The following ZFHX3 variants were observed in gnomAD, a reference collection of about 807,000 sequenced individuals.
ZFHX3 encodes zinc finger homeobox protein 3.
In ZFHX3, 42 loss-of-function variants were observed where a neutral mutation model predicts 279.1. That is an observed-to-expected ratio of 0.15 (90% confidence interval 0.12 to 0.19). The LOEUF (loss-of-function observed/expected upper bound fraction) is 0.19, where lower values mean the gene tolerates loss of function less well. Among genes scored for constraint, ZFHX3 ranks in the 10% least tolerant of loss-of-function variants. The pLI is 1.00. For missense variants in ZFHX3, 4,981 were observed against 4,754.0 expected (o/e 1.05, Z -1.40); for synonymous variants, 2,293 against 1,957.8 (o/e 1.17, Z -4.52).
chr16:73,177,733 T>G lies in ZFHX3; in HGVS notation c.-1103-33902A>C, dbSNP rs143592423. Among the ~76,000 whole-genome samples, 202 of 152,254 alleles carry G rather than the reference T, an allele frequency of 1.3e-3. 1 individual carries two copies. Among genetic ancestry groups the G allele is most frequent in the Non-Finnish European group, 2.7e-3 (186 of 68,020 alleles). On this transcript the variant is annotated intron_variant, in intron 5 of 17. Transcript: ENST00000641206. The stretch of plus-strand genomic sequence containing the variant: ...TATTTAACTGAACAAAGAAAGTAAA[T>G]GTTGATTGTGTTTCTACTACATATA...
chr16:73,462,422 A>G (rs976975143), intron 2 of ZFHX3, among the ~76,000 whole-genome samples: 3 of 152,108 alleles, frequency 2.0e-5, no homozygotes, highest in Non-Finnish European at 4.4e-5. Context: ...TATGACCTTA[A>G]CACATTGACT....
chr16:73,471,841 T>C (rs1170076292), intron 2 of ZFHX3, among the ~76,000 whole-genome samples: 2 of 152,196 alleles, frequency 1.3e-5, no homozygotes, highest in Non-Finnish European at 2.9e-5. Context: ...TCTTTAGGGT[T>C]AGTCTTAGCC....
intron 8 of ZFHX3, among the ~76,000 whole-genome samples, chr16:73,091,763 A>C (rs1727263380): frequency 6.6e-6 from 1 of 152,192 alleles, no homozygotes; most frequent in African/African-American, 2.4e-5. Flanking sequence ...CTTAATTTTC[A>C]AAATACTATC....
intron 3 of ZFHX3, among the ~76,000 whole-genome samples, chr16:73,358,402 C>T (rs981801923): frequency 2.0e-5 from 3 of 152,208 alleles, no homozygotes; most frequent in Admixed American, 6.5e-5. Flanking sequence ...GGCGGGAAAC[C>T]GAGCGCAGCC....
chr16:73,666,156 T>C (rs1334655197), intron 2 of ZFHX3, among the ~76,000 whole-genome samples: 2 of 151,864 alleles, frequency 1.3e-5, no homozygotes, highest in African/African-American at 4.9e-5. Context: ...GAGTGGCAGT[T>C]TGTGGGCTGG....
chr16:72,798,087 T>A lies in ZFHX3; in HGVS notation c.4595A>T (p.Asn1532Ile). ...GTCTAGGAACTTTTCCATAGTAAAA[T>A]TGGGACCTTTTCTGAAAGGCAGAGC... Reference protein sequence around the residue: ...KRALPFRKGPNFTMEKFLDPS... With the variant: ...KRALPFRKGPIFTMEKFLDPS... The change falls in exon 9 of 10, where the codon AAT becomes ATT. Residue 1532 changes from asparagine to isoleucine, a missense_variant. By Grantham distance (149) the Asn-to-Ile change is moderately radical. This residue lies in a region of ZFHX3 where 1,751 missense variants were observed against 1,770.0 expected (regional missense o/e 0.99). Transcript: ENST00000268489. The A allele has an allele frequency of 1.2e-6, 2 of 1,614,204 alleles. No homozygotes were observed. The highest frequency in any genetic ancestry group is 1.7e-6 in the Non-Finnish European group (2 of 1,180,036).
chr16:73,118,068 C>T (rs919926576), intron 7 of ZFHX3, among the ~76,000 whole-genome samples: 8 of 152,258 alleles, frequency 5.3e-5, no homozygotes, highest in Admixed American at 5.2e-4. Flanking sequence ...TAAAGCAGTA[C>T]AGTCCTCAGA....
At chr16:73,557,843 A>G (rs2143783144) in intron 2 of ZFHX3, among the ~76,000 whole-genome samples, 1 of 152,218 alleles carries the variant, frequency 6.6e-6, no homozygotes, top group Middle Eastern at 3.4e-3. Flanking sequence ...CCTATTCAAG[A>G]TGGAGTTGCT....
intron 1 of ZFHX3, among the ~76,000 whole-genome samples, chr16:73,718,202 G>A (rs2053434917): frequency 6.6e-6 from 1 of 152,188 alleles, no homozygotes; most frequent in African/African-American, 2.4e-5. Flanking sequence ...CTTGAGGCCA[G>A]GAACTCGCGA....
intron 4 of ZFHX3, among the ~76,000 whole-genome samples, chr16:73,297,187 A>T (rs1784244787): frequency 6.6e-6 from 1 of 151,938 alleles, no homozygotes; most frequent in Non-Finnish European, 1.5e-5. Context: ...AGCAGGAATG[A>T]TGATTAACCA....
At chr16:73,320,431 C>T (rs569781444) in intron 3 of ZFHX3, among the ~76,000 whole-genome samples, 5 of 152,152 alleles carry the variant, frequency 3.3e-5, no homozygotes, top group Non-Finnish European at 5.9e-5. Context: ...ATTTATTTAT[C>T]GAACATAAAA....
chr16:73,366,390 A>G (rs2016528669), intron 3 of ZFHX3, among the ~76,000 whole-genome samples: 1 of 152,080 alleles, frequency 6.6e-6, no homozygotes, highest in South Asian at 2.1e-4. Flanking sequence ...GAAAATAAAA[A>G]TCTGCTCTAT....
chr16:73,211,845 G>C (rs933184789), intron 5 of ZFHX3, among the ~76,000 whole-genome samples: 2 of 152,048 alleles, frequency 1.3e-5, no homozygotes, highest in Non-Finnish European at 1.5e-5. Context: ...ATGGCAGGGA[G>C]GGGGGTGGCA....
At chr16:73,339,752 A>G (rs1170331900) in intron 3 of ZFHX3, among the ~76,000 whole-genome samples, 1 of 152,212 alleles carries the variant, frequency 6.6e-6, no homozygotes, top group African/African-American at 2.4e-5. Context: ...ATGAACTGAC[A>G]TACAAGGGCT....
chr16:73,571,981 A>G (rs1032285713), intron 2 of ZFHX3, among the ~76,000 whole-genome samples: 1 of 152,174 alleles, frequency 6.6e-6, no homozygotes. Context: ...TAAGCAGCCC[A>G]GAAGTTCTAA....
At chr16:73,679,700 T>C (rs536581017) in intron 2 of ZFHX3, 3 of 152,170 alleles carry the variant, frequency 2.0e-5, no homozygotes, top group Non-Finnish European at 4.4e-5. Context: ...TGTAGAACAA[T>C]CAGAATCCAG....
At chr16:73,020,154 G>A (rs188595915) in intron 1 of ZFHX3, among the ~76,000 whole-genome samples, 2 of 152,308 alleles carry the variant, frequency 1.3e-5, no homozygotes, top group Non-Finnish European at 2.9e-5. Flanking sequence ...AGGACAAGAG[G>A]CACCAGCAAG....
intron 1 of ZFHX3, among the ~76,000 whole-genome samples, chr16:73,810,342 T>C (rs1960393836): frequency 6.6e-6 from 1 of 152,204 alleles, no homozygotes. Flanking sequence ...TCAGGGAAGA[T>C]CAAAATTTTC....
At chr16:73,460,514 G>A (rs968430963) in intron 2 of ZFHX3, among the ~76,000 whole-genome samples, 6 of 152,170 alleles carry the variant, frequency 3.9e-5, no homozygotes, top group African/African-American at 1.4e-4. Flanking sequence ...GTAGGGTGGT[G>A]TAATTGCTTG....
Sources: allele counts gnomAD v4.1 joint callset (sites outside exome capture counted in the v4.1 genomes callset), GRCh38; gene constraint gnomAD v4.1.1; regional missense constraint gnomAD v4.1.1; transcripts MANE v1.5; gene names NCBI Gene and HGNC (gene_info 2026-07-23, HGNC 2026-07-21).